Variants in CDC5L observed in about 807,000 individuals in gnomAD.
The protein encoded by CDC5L is cell division cycle 5-like protein.
CDC5L carries 18 observed loss-of-function variants against 104.1 expected under a neutral mutation model. The ratio of observed to expected loss-of-function variants is 0.17; its 90% CI spans 0.12 to 0.26. The LOEUF is 0.26. Among genes scored for constraint, CDC5L ranks in the 10% least tolerant of loss-of-function variants. The pLI is 1.00. For missense variants in CDC5L, 673 were observed against 956.9 expected (o/e 0.70, Z 3.91); for synonymous variants, 331 against 322.7 (o/e 1.03, Z -0.28).
chr6:44,416,965 AT>A (rs1287468408), intron 8 of CDC5L, among the ~76,000 whole-genome samples: 1 of 152,114 alleles, frequency 6.6e-6, no homozygotes, highest in Non-Finnish European at 1.5e-5. Context: ...GAAATTCAAG[AT>A]TTTTTTTCAT....
intron 4 of CDC5L, 62 bp downstream of exon 4, chr6:44,393,635 T>A: frequency 6.6e-7 from 1 of 1,506,206 alleles, no homozygotes; most frequent in Non-Finnish European, 9.0e-7. Context: ...GGCCTCACTC[T>A]TTTAGTTCCT....
chr6:44,423,787 A>G (rs1792297143), intron 10 of CDC5L, among the ~76,000 whole-genome samples: 1 of 152,228 alleles, frequency 6.6e-6, no homozygotes, highest in Admixed American at 6.5e-5. Flanking sequence ...TCCATTAAAA[A>G]TAAACACATA....
chr6:44,423,988 A>G lies in CDC5L; in HGVS notation c.1405-431A>G, dbSNP rs11572010. On this transcript the variant is annotated intron_variant, in intron 10 of 15. Transcript: ENST00000371477. ...AGAGTATCTTCAGTGATCACAAGTG[A>G]AAGTTTTTGGTTGGTCTTAATGTTG... 5.9e-5 allele frequency among the ~76,000 whole-genome samples: 9 copies of G among 152,228 alleles called. No homozygotes were observed. In the East Asian group the frequency reaches 1.7e-3, roughly 29 times the overall value.
chr6:44,389,326 G>A lies in CDC5L; in HGVS notation c.46-942G>A, dbSNP rs374574884. On this transcript the variant is annotated intron_variant, in intron 1 of 15. Transcript: ENST00000371477. ...ACAGATATAAAATCAAGTAACAGTA[G>A]GATTCCTATGCAGTGGTCAAAGCTC... 7.5e-4 allele frequency among the ~76,000 whole-genome samples: 114 copies of A among 152,234 alleles called. 1 individual carries two copies. The South Asian group carries it at 0.012, about 16-fold the overall frequency.
chr6:44,390,212 G>A (rs1790526859), intron 1 of CDC5L, 56 bp from the exon 2 acceptor site: 4 of 1,071,018 alleles, frequency 3.7e-6, no homozygotes, highest in South Asian at 1.3e-5. Flanking sequence ...TTTAAATTTT[G>A]TCTTTTCCCA....
intron 4 of CDC5L, among the ~76,000 whole-genome samples, chr6:44,395,358 A>G (rs1359386408): frequency 6.6e-6 from 1 of 152,218 alleles, no homozygotes; most frequent in African/African-American, 2.4e-5. Flanking sequence ...CATGTACCCT[A>G]TAAATATGTA....
intron 7 of CDC5L, among the ~76,000 whole-genome samples, chr6:44,406,758 A>G (rs1392143598): frequency 6.6e-6 from 1 of 152,132 alleles, no homozygotes; most frequent in African/African-American, 2.4e-5. Context: ...TACTGAAAAT[A>G]CAAAAATTAG....
Position 44,390,339 on chromosome 6 carries a change from T to C in CDC5L, c.117T>C (p.His39=), listed in dbSNP as rs1221363969. ...GGTCTAGGATTGCCTCATTGCTGCA[T>C]AGAAAATCAGCAAAGCAGTGCAAAG... The part of the protein sequence containing the change: ...NQWSRIASLL[H]RKSAKQCKAR... Residue 39 remains histidine (H), a synonymous_variant, in exon 2 of 16, where the codon CAT becomes CAC. Coordinates refer to ENST00000371477, the MANE Select transcript of CDC5L (RefSeq NM_001253.4). The C allele has an allele frequency of 1.9e-6, 3 of 1,612,826 alleles. No individual in the cohort carries two copies. Among genetic ancestry groups the C allele is most frequent in the Non-Finnish European group, 1.7e-6 (2 of 1,179,060 alleles).
chr6:44,429,717 A>G lies in CDC5L; in HGVS notation c.1898A>G (p.Gln633Arg). 6.2e-7 allele frequency: 1 copy of G among 1,613,450 alleles called. No individual in the cohort carries two copies. Among genetic ancestry groups the G allele is most frequent in the Non-Finnish European group, 8.5e-7 (1 of 1,179,376 alleles). ...KFSKEELKKA[Q>R]DVLVQEMEVV... ...TGAAATTATTATTGTAAACAGGCCC[A>G]GGATGTTTTGGTGCAGGAGATGGAA... Residue 633 changes from glutamine (Q) to arginine (R), a missense_variant, in exon 14 of 16, where the codon CAG becomes CGG. Transcript: ENST00000371477.
intron 13 of CDC5L, among the ~76,000 whole-genome samples, chr6:44,429,189 T>G (rs951136029): frequency 3.3e-5 from 5 of 152,042 alleles, no homozygotes; most frequent in African/African-American, 9.7e-5. Flanking sequence ...GTCCTACTAA[T>G]TTTTACATTT....
intron 3 of CDC5L, 123 bp from the exon 4 acceptor site, chr6:44,393,323 A>G: frequency 1.3e-6 from 1 of 797,460 alleles, no homozygotes; most frequent in African/African-American, 1.7e-5. Flanking sequence ...AAAAGGCTTT[A>G]TGTTGTTAAA....
intron 15 of CDC5L, among the ~76,000 whole-genome samples, chr6:44,446,257 A>G (rs544529218): frequency 6.6e-6 from 1 of 152,340 alleles, no homozygotes; most frequent in South Asian, 2.1e-4. Context: ...CTTCCAAACC[A>G]TCAAATTCCT....
chr6:44,400,538 C>G (rs906463450), intron 5 of CDC5L, among the ~76,000 whole-genome samples: 1 of 152,178 alleles, frequency 6.6e-6, no homozygotes, highest in Non-Finnish European at 1.5e-5. Flanking sequence ...CAGGCACTGT[C>G]TACCGTGCCT....
intron 9 of CDC5L, among the ~76,000 whole-genome samples, chr6:44,420,537 T>C (rs1390798332): frequency 2.0e-5 from 3 of 152,066 alleles, no homozygotes; most frequent in African/African-American, 2.4e-5. Flanking sequence ...TTTGTATTTT[T>C]AGTAGAGACA....
Position 44,389,897 on chromosome 6 carries a change from TTTG to T in CDC5L, c.46-360_46-358del, listed in dbSNP as rs562863128. ...TGTATAAATGAATGAGTTATACATT[TTTG>T]TTGTTGTTGTGTTTTTTAGTTATCC... On this transcript the variant is annotated intron_variant, in intron 1 of 15. Transcript: ENST00000371477. 3.0e-4 allele frequency among the ~76,000 whole-genome samples: 46 copies of T among 152,236 alleles called. No individual in the cohort carries two copies. In the South Asian group the frequency reaches 5.2e-3, roughly 17 times the overall value.
At chr6:44,442,758 A>G (rs1486088352) in intron 14 of CDC5L, among the ~76,000 whole-genome samples, 1 of 152,196 alleles carries the variant, frequency 6.6e-6, no homozygotes, top group Admixed American at 6.5e-5. Flanking sequence ...ATGTTTGGAT[A>G]TGACAATGTA....
At chr6:44,390,758 T>C (rs1790552061) in intron 2 of CDC5L, among the ~76,000 whole-genome samples, 1 of 152,106 alleles carries the variant, frequency 6.6e-6, no homozygotes, top group Non-Finnish European at 1.5e-5. Flanking sequence ...AAGTTAGCTG[T>C]TTTAGAAATT....
At chr6:44,410,213 A>G (rs1435285786) in intron 8 of CDC5L, among the ~76,000 whole-genome samples, 2 of 152,122 alleles carry the variant, frequency 1.3e-5, no homozygotes, top group Non-Finnish European at 2.9e-5. Context: ...TTTGACAGAT[A>G]TCTCCCTGGT....
intron 14 of CDC5L, among the ~76,000 whole-genome samples, chr6:44,432,825 A>G (rs745607021): frequency 7.9e-5 from 12 of 152,212 alleles, no homozygotes; most frequent in Non-Finnish European, 1.6e-4. Context: ...GAACCTTGCC[A>G]GACTTTTGTG....
Sources: gnomAD v4.1 joint callset for allele counts (sites outside exome capture counted in the v4.1 genomes callset) on GRCh38, gnomAD v4.1.1 for gene constraint, MANE v1.5 for transcripts, NCBI Gene and HGNC (gene_info 2026-07-23, HGNC 2026-07-21) for gene names.